The following DGKG variants were observed in gnomAD, a reference collection of about 807,000 sequenced individuals.
DGKG encodes the protein diacylglycerol kinase gamma.
DGKG carries 78 observed loss-of-function variants against 105.3 expected under a neutral mutation model. The observed-to-expected ratio is 0.74, with a 90% CI of 0.62 to 0.89. The LOEUF (loss-of-function observed/expected upper bound fraction) is 0.89, where lower values mean the gene tolerates loss of function less well. Among genes scored for constraint, DGKG ranks in the 40% least tolerant of loss-of-function variants. DGKG has a pLI of 0.00. For synonymous variants in DGKG, 346 were observed against 367.1 expected (o/e 0.94, Z 0.66); for missense variants, 958 against 1,020.1 (o/e 0.94, Z 0.83).
chr3:186,239,372 A>AT (rs1720566541), intron 20 of DGKG, among the ~76,000 whole-genome samples: 1 of 152,202 alleles, frequency 6.6e-6, no homozygotes, highest in Non-Finnish European at 1.5e-5. Flanking sequence ...TTGTTTGATA[A>AT]TGCCGTTTAC....
In DGKG at chr3:186,164,993, C is replaced by G; in HGVS notation, c.2121G>C (p.Val707=). 1 of 1,613,776 alleles carries G rather than the reference C, an allele frequency of 6.2e-7. No homozygotes were observed. Among genetic ancestry groups the G allele is most frequent in the Non-Finnish European group, 8.5e-7 (1 of 1,179,920 alleles). The change falls in exon 23 of 25, where the codon GTG becomes GTC. Residue 707 remains valine, a synonymous_variant. Coordinates refer to ENST00000265022, the MANE Select transcript of DGKG (RefSeq NM_001346.3). ...VQDLSDQLLE[V]VGLEGAMEMG... The stretch of plus-strand genomic sequence containing the variant: ...TCTCCATGGCTCCTTCTAGCCCCAC[C>G]ACTTCAAGGAGCTGGTCACTGAGGT...
At chr3:186,259,567 T>G (rs548416017) in intron 16 of DGKG, among the ~76,000 whole-genome samples, 18 of 152,316 alleles carry the variant, frequency 1.2e-4, no homozygotes, top group Admixed American at 2.6e-4. Context: ...AAATTCTCTT[T>G]TCAGAGTCCT....
chr3:186,299,825 CTTTCTTTCTTTCTTTTT>C (rs1450448630), intron 3 of DGKG, among the ~76,000 whole-genome samples: 33 of 85,182 alleles, frequency 3.9e-4, no homozygotes, highest in Non-Finnish European at 5.3e-4. Context: ...TTCTTTCTTT[CTTTCTTTCTTTCTTTTT>C]TTTTTTTTTT....
At chr3:186,215,991 C>G (rs960010166) in intron 20 of DGKG, among the ~76,000 whole-genome samples, 2 of 151,316 alleles carry the variant, frequency 1.3e-5, no homozygotes, top group Non-Finnish European at 3.0e-5. Context: ...CTGCCCCACC[C>G]CCCAAACCCC....
chr3:186,257,810 C>T (rs1350747980), intron 17 of DGKG, 44 bp downstream of exon 17: 2 of 1,461,396 alleles, frequency 1.4e-6, no homozygotes, highest in South Asian at 2.3e-5. Flanking sequence ...TGTAAATACG[C>T]TTACTATAAA....
chr3:186,278,691 C>T lies in DGKG; in HGVS notation c.792+1160G>A, dbSNP rs191584308. Among the ~76,000 whole-genome samples, 287 of 152,270 alleles carry T rather than the reference C, an allele frequency of 1.9e-3. 1 individual carries two copies. Among genetic ancestry groups the T allele is most frequent in the Non-Finnish European group, 3.3e-3 (224 of 68,028 alleles). On this transcript the variant is annotated intron_variant, in intron 9 of 24. Transcript: ENST00000265022. ...GATTGCAAGATTCATAGTTCTTGAGCTTCAGAAATGGGGGCTCAGCTTTAG... is the reference window on the plus strand; with the variant it reads ...GATTGCAAGATTCATAGTTCTTGAGTTTCAGAAATGGGGGCTCAGCTTTAG...
At chr3:186,200,130 A>G (rs1343724785) in intron 21 of DGKG, among the ~76,000 whole-genome samples, 1 of 152,224 alleles carries the variant, frequency 6.6e-6, no homozygotes, top group Non-Finnish European at 1.5e-5. Flanking sequence ...TTGTGGGTCT[A>G]TAAATCAAGT....
At chr3:186,286,939 C>A (rs1162148556) in intron 6 of DGKG, among the ~76,000 whole-genome samples, 1 of 151,930 alleles carries the variant, frequency 6.6e-6, no homozygotes, top group Non-Finnish European at 1.5e-5. Flanking sequence ...GAGACTGAGG[C>A]AGAAGAATCA....
chr3:186,267,847 G>A, intron 12 of DGKG, 70 bp from the exon 13 acceptor site: 1 of 1,458,288 alleles, frequency 6.9e-7, no homozygotes, highest in South Asian at 1.1e-5. Flanking sequence ...AGGTGGAGAG[G>A]TTTGGGGGAG....
At chr3:186,158,540 T>C in intron 24 of DGKG, 1 of 962,948 alleles carries the variant, frequency 1.0e-6, no homozygotes, top group Non-Finnish European at 1.2e-6. Context: ...TTATAATTTC[T>C]GCAACTGGAT....
intron 4 of DGKG, among the ~76,000 whole-genome samples, chr3:186,297,736 A>G (rs1043328764): frequency 6.6e-6 from 1 of 152,208 alleles, no homozygotes; most frequent in Non-Finnish European, 1.5e-5. Context: ...CTGGACACAG[A>G]AGCTGAATGT....
At chr3:186,348,401 G>A (rs1578865916) in intron 1 of DGKG, among the ~76,000 whole-genome samples, 2 of 121,770 alleles carry the variant, frequency 1.6e-5, no homozygotes, top group Non-Finnish European at 3.4e-5. Context: ...TCTGAGAATA[G>A]CTTTTTTTTT....
At chr3:186,357,689 C>T (rs140217066) in intron 1 of DGKG, among the ~76,000 whole-genome samples, 20 of 152,356 alleles carry the variant, frequency 1.3e-4, no homozygotes, top group African/African-American at 4.8e-4. Context: ...TTTACTACCA[C>T]CATCCCTCCT....
chr3:186,225,778 C>G (rs142715641), intron 20 of DGKG, among the ~76,000 whole-genome samples: 18 of 152,228 alleles, frequency 1.2e-4, no homozygotes, highest in African/African-American at 3.6e-4. Flanking sequence ...TCATATAGAC[C>G]GCTGTAGTTT....
chr3:186,219,003 C>T (rs554490614), intron 20 of DGKG, among the ~76,000 whole-genome samples: 7 of 151,920 alleles, frequency 4.6e-5, no homozygotes, highest in South Asian at 4.2e-4. Flanking sequence ...AAATGCAGAA[C>T]GGCCAAATGC....
At chr3:186,161,221 T>A in intron 24 of DGKG, 1 of 996,282 alleles carries the variant, frequency 1.0e-6, no homozygotes, top group Non-Finnish European at 1.2e-6. Context: ...AAGGAAGCAA[T>A]TTGACTTGTT....
At chr3:186,177,415 G>A (rs370411709) in intron 22 of DGKG, among the ~76,000 whole-genome samples, 12 of 152,180 alleles carry the variant, frequency 7.9e-5, no homozygotes, top group South Asian at 6.2e-4. Context: ...TCATTTGTTC[G>A]TCAAACATTT....
chr3:186,172,016 C>T (rs986304259), intron 22 of DGKG, among the ~76,000 whole-genome samples: 1 of 152,048 alleles, frequency 6.6e-6, no homozygotes, highest in Non-Finnish European at 1.5e-5. Context: ...CCATCATGCC[C>T]AGTTAATTTT....
intron 20 of DGKG, among the ~76,000 whole-genome samples, chr3:186,241,759 T>G (rs78288750): frequency 6.6e-6 from 1 of 152,048 alleles, no homozygotes; most frequent in Non-Finnish European, 1.5e-5. Flanking sequence ...AATTGACTAA[T>G]GAGAAGATAC....
Sources: gnomAD v4.1 joint callset for allele counts (sites outside exome capture counted in the v4.1 genomes callset) on GRCh38, gnomAD v4.1.1 for gene constraint, MANE v1.5 for transcripts, NCBI Gene and HGNC (gene_info 2026-07-23, HGNC 2026-07-21) for gene names.